NLRP7: variants seen among roughly 807,000 people sequenced by gnomAD.
The protein encoded by NLRP7 is NACHT, LRR and PYD domains-containing protein 7.
Under a neutral mutation model 85.5 loss-of-function variants are expected in NLRP7, and 72 were observed. That is an observed-to-expected ratio of 0.84 (90% CI 0.70 to 1.02). NLRP7 has a LOEUF of 1.02. NLRP7 is among the 50% of genes least tolerant of loss of function. NLRP7 has a pLI of 0.00. For synonymous variants in NLRP7, 550 were observed against 505.2 expected (o/e 1.09, Z -1.19); for missense variants, 1,243 against 1,219.5 (o/e 1.02, Z -0.29).
At chr19:54,951,168 A>G (rs1211713788), upstream of NLRP7, among the ~76,000 whole-genome samples, 1 of 152,210 alleles carries the variant, frequency 6.6e-6, no homozygotes, top group Non-Finnish European at 1.5e-5. Flanking sequence ...TTGTCTTAGT[A>G]CAGAACAAAA....
chr19:54,962,686 G>A (rs1310749648), intron 1 of NLRP7, among the ~76,000 whole-genome samples: 11 of 151,338 alleles, frequency 7.3e-5, no homozygotes, highest in East Asian at 3.9e-4. Context: ...TGCAAGCTCC[G>A]CCTCCCGGGT....
rs1396534856 is a variant in NLRP7, at chr19:54,934,287, G to A, written c.2471+202C>T. ...AAACAGGGTTTCACCATGTTGGCCA[G>A]GTTGGTCTCGAACTCCTGAACTCAG... is the stretch of plus-strand genomic sequence containing the variant. On this transcript the variant is annotated intron_variant, in intron 7 of 9. Transcript: ENST00000340844. The surrounding 1 kb of genome is among the most constrained non-coding windows in gnomAD (Gnocchi z 6.7). 1.3e-5 allele frequency among the ~76,000 whole-genome samples: 2 copies of A among 152,072 alleles called. No individual in the cohort carries two copies. Among genetic ancestry groups the A allele is most frequent in the African/African-American group, 2.4e-5 (1 of 41,414 alleles).
exon 2 of NLRP7, chr19:54,941,667 C>T: frequency 1.9e-6 from 3 of 1,613,824 alleles, no homozygotes; most frequent in Middle Eastern, 3.3e-4. Flanking sequence ...CGTTCAGCTG[C>T]TCCAGAAGGG....
At chr19:54,939,907 C>T in exon 4 of NLRP7, 1 of 1,614,136 alleles carries the variant, frequency 6.2e-7, no homozygotes, top group East Asian at 2.2e-5. Context: ...CCCTCAGTGC[C>T]CTGGGCCGCG....
chr19:54,950,348 AAAAG>A (rs950891753), upstream of NLRP7, among the ~76,000 whole-genome samples: 3 of 152,286 alleles, frequency 2.0e-5, no homozygotes, highest in Admixed American at 6.5e-5. Flanking sequence ...AGAGACTTGG[AAAAG>A]AAAGAGACAC....
intron 1 of NLRP7, among the ~76,000 whole-genome samples, chr19:54,963,614 G>A (rs633063): frequency 1.3e-5 from 2 of 151,838 alleles, no homozygotes; most frequent in Admixed American, 1.3e-4. Flanking sequence ...ACCTGAGGTT[G>A]GGAGTTCAAG....
At chr19:54,939,567 G>C in exon 4 of NLRP7, 1 of 1,612,480 alleles carries the variant, frequency 6.2e-7, no homozygotes, top group Non-Finnish European at 8.5e-7. Flanking sequence ...TGCGCGGCCA[G>C]GAGGCTCAGC....
At chr19:54,927,474 T>G in intron 9 of NLRP7, 131 bp downstream of exon 10, 1 of 819,300 alleles carries the variant, frequency 1.2e-6, no homozygotes, top group Non-Finnish European at 2.0e-6. Flanking sequence ...GAGAATTGCT[T>G]GAACCTGAGA....
intron 1 of NLRP7, among the ~76,000 whole-genome samples, chr19:54,959,476 A>G (rs2146284030): frequency 6.6e-6 from 1 of 151,348 alleles, no homozygotes; most frequent in African/African-American, 2.4e-5. Context: ...AGTATAAAAC[A>G]ATATAAAACA....
intron 1 of NLRP7, among the ~76,000 whole-genome samples, chr19:54,957,564 C>CA: frequency 6.6e-6 from 1 of 151,592 alleles, no homozygotes. Context: ...AGGCTGGTCT[C>CA]AAACTCCTGA....
chr19:54,947,338 A>G, intron 1 of NLRP7, 131 bp downstream of exon 1: 2 of 657,264 alleles, frequency 3.0e-6, no homozygotes, highest in Non-Finnish European at 4.6e-6. Flanking sequence ...AAAAAAAAAA[A>G]ATCAAAGATC....
At chr19:54,945,734 G>A (rs898622926) in intron 1 of NLRP7, among the ~76,000 whole-genome samples, 1 of 152,002 alleles carries the variant, frequency 6.6e-6, no homozygotes, top group Admixed American at 6.6e-5. Flanking sequence ...AAGAAGCTGG[G>A]ATTACAGGCG....
chr19:54,946,981 G>A (rs1703496638), intron 1 of NLRP7, among the ~76,000 whole-genome samples: 2 of 151,960 alleles, frequency 1.3e-5, no homozygotes, highest in South Asian at 2.1e-4. Flanking sequence ...ATGTTGCCCA[G>A]GCTAGTCTCA....
In NLRP7 at chr19:54,953,562, C is replaced by G. The variant is rs539916507; in HGVS notation, c.-76-6057G>C. 3.3e-5 allele frequency among the ~76,000 whole-genome samples: 5 copies of G among 151,862 alleles called. No individual in the cohort carries two copies. The East Asian group carries it at 9.7e-4, about 29-fold the overall frequency. On this transcript the variant is annotated intron_variant, in intron 1 of 2. Transcript: ENST00000587103. Reference sequence around the variant, plus strand: ...TGGATTTCATTCCTGGGCCGCGGGGCTGTCTGCTTGTGGATTTCATTCCTG... The same window carrying G: ...TGGATTTCATTCCTGGGCCGCGGGGGTGTCTGCTTGTGGATTTCATTCCTG...
chr19:54,962,163 C>CAAA (rs113089944), intron 1 of NLRP7, among the ~76,000 whole-genome samples: 1 of 106,906 alleles, frequency 9.4e-6, no homozygotes, highest in South Asian at 3.1e-4. Flanking sequence ...AACTCCATCT[C>CAAA]AAAAAAAAAA....
chr19:54,930,069 C>T (rs570574491), intron 9 of NLRP7, among the ~76,000 whole-genome samples: 3 of 144,534 alleles, frequency 2.1e-5, no homozygotes, highest in Non-Finnish European at 3.0e-5. Flanking sequence ...AAGCCGAGAT[C>T]GCGCCACTGC....
At chr19:54,962,745 G>A (rs938419704) in intron 1 of NLRP7, among the ~76,000 whole-genome samples, 9 of 150,480 alleles carry the variant, frequency 6.0e-5, no homozygotes, top group East Asian at 2.0e-4. Flanking sequence ...GACTACAGGC[G>A]CCCGCCACCA....
At chr19:54,960,863 G>A (rs944961816) in intron 1 of NLRP7, among the ~76,000 whole-genome samples, 3 of 151,954 alleles carry the variant, frequency 2.0e-5, no homozygotes, top group African/African-American at 7.2e-5. Flanking sequence ...CCAAAGTGCT[G>A]GGATTACAGG....
At chr19:54,928,083 G>A (rs2068523326) in intron 9 of NLRP7, among the ~76,000 whole-genome samples, 1 of 152,090 alleles carries the variant, frequency 6.6e-6, no homozygotes, top group African/African-American at 2.4e-5. Flanking sequence ...AGCCATGCAT[G>A]GTGGTGTGTG....
Sources: gnomAD v4.1 joint callset for allele counts (sites outside exome capture counted in the v4.1 genomes callset) on GRCh38, gnomAD v4.1.1 for gene constraint, Gnocchi (gnomAD v3.1) non-coding constraint, MANE v1.5 for transcripts, NCBI Gene and HGNC (gene_info 2026-07-23, HGNC 2026-07-21) for gene names.